The following STARD9 variants were observed in gnomAD, a reference collection of about 807,000 sequenced individuals.
The protein encoded by STARD9 is stAR-related lipid transfer protein 9.
A neutral mutation model predicts 399.8 loss-of-function variants in STARD9; 346 were observed. The ratio of observed to expected loss-of-function variants is 0.87; its 90% confidence interval spans 0.79 to 0.95. The LOEUF (loss-of-function observed/expected upper bound fraction) is 0.95. Ranked by LOEUF, STARD9 falls within the 40% of genes least tolerant of loss-of-function variation. The pLI is 0.00. For synonymous variants in STARD9, 2,203 were observed against 2,143.5 expected, an observed-to-expected ratio of 1.03 and a Z score of -0.77; for missense variants, 5,832 against 5,667.5, an observed-to-expected ratio of 1.03 and a Z score of -0.93.
intron 3 of STARD9, among the ~76,000 whole-genome samples, chr15:42,605,077 A>T (rs2058701453): frequency 6.6e-6 from 1 of 152,148 alleles, no homozygotes; most frequent in Non-Finnish European, 1.5e-5. Context: ...AAGATCAAAG[A>T]CTTCTCAAAG....
In STARD9 at chr15:42,695,765, T is replaced by A; in HGVS notation, c.13169T>A (p.Leu4390Ter). The A allele has an allele frequency of 1.3e-6, 2 of 1,537,236 alleles. No individual in the cohort carries two copies. The highest frequency in any genetic ancestry group is 1.7e-6 in the Non-Finnish European group (2 of 1,146,884). Reference protein sequence around the residue: ...LLKEEDKLHTLANSSSLCTSS... With the variant: ...LLKEEDKLHT ...CAGGAAGAGGATAAACTACATACCT[T>A]GGCCAATTCCAGCTCCCTGTGCACC... is the stretch of plus-strand genomic sequence containing the variant. The change falls in exon 26 of 33, where the codon TTG (leucine) becomes TAG (stop). Residue 4390 changes from leucine (L) to a stop codon, truncating the protein, a stop_gained. Coordinates refer to ENST00000290607, the MANE Select transcript of STARD9 (RefSeq NM_020759.3). LOFTEE classifies it high-confidence loss of function.
In STARD9 at chr15:42,638,106, C is replaced by T. The variant is rs910407494; in HGVS notation, c.446+19C>T. On this transcript the variant is annotated intron_variant, in intron 6 of 32. Transcript: ENST00000290607. ...AAGTAAGGTAAGAACCTCCCAAGCTCTGGGACCTACAGTAGTTCTTCTTCT... is the reference window on the plus strand; with the variant it reads ...AAGTAAGGTAAGAACCTCCCAAGCTTTGGGACCTACAGTAGTTCTTCTTCT... 2 of 1,533,066 alleles carry T rather than the reference C, an allele frequency of 1.3e-6. No homozygotes were observed. Among genetic ancestry groups the T allele is most frequent in the African/African-American group, 2.7e-5 (2 of 72,942 alleles). 95.0% of individuals were successfully genotyped at this position (1,533,066 alleles called of 1,614,324 possible). A position where few individuals can be genotyped will look rare whatever the true frequency, so the allele number is the denominator to read the frequency against.
intron 3 of STARD9, among the ~76,000 whole-genome samples, chr15:42,632,049 C>T (rs1399673960): frequency 1.3e-5 from 2 of 152,134 alleles, no homozygotes; most frequent in Non-Finnish European, 2.9e-5. Context: ...GTTGAAGTCT[C>T]CAGCTATTAC....
In STARD9 at chr15:42,663,454, A is replaced by G. The variant is rs369934831; in HGVS notation, c.1042A>G (p.Ser348Gly). 5.0e-4 allele frequency: 769 copies of G among 1,537,192 alleles called. 2 individuals carry two copies. Among genetic ancestry groups the G allele is most frequent in the Non-Finnish European group, 6.2e-4 (709 of 1,146,924 alleles). Residue 348 changes from serine to glycine, a missense_variant, in exon 12 of 33, where the codon AGC (serine) becomes GGC (glycine). Transcript: ENST00000290607. ...DSVLTWLLKD[S>G]LGGNSKTIMV... The stretch of plus-strand genomic sequence containing the variant: ...TGTGTTGACCTGGCTGCTGAAGGAC[A>G]GCCTTGGAGGCAACTCTAAAACCAT...
chr15:42,637,803 G>T (rs2059446863), intron 4 of STARD9, 104 bp from the exon 5 acceptor site: 1 of 1,190,248 alleles, frequency 8.4e-7, no homozygotes, highest in Non-Finnish European at 1.2e-6. Flanking sequence ...AGCACAAGGA[G>T]TCCATGCACT....
intron 3 of STARD9, among the ~76,000 whole-genome samples, chr15:42,631,814 G>C (rs553920574): frequency 1.2e-3 from 180 of 151,946 alleles, no homozygotes; most frequent in African/African-American, 4.3e-3. Flanking sequence ...CACCTTTCAG[G>C]AAGATTTTTT....
At chr15:42,581,273 A>G (rs1283150924) in intron 1 of STARD9, 4 of 936,028 alleles carry the variant, frequency 4.3e-6, no homozygotes, top group Middle Eastern at 2.1e-4. Context: ...GGCAGATGGC[A>G]GGTGGGGTCT....
rs182985962 is a variant in STARD9 at position 42,702,497 on chromosome 15, C to T, written c.13284+6617C>T. Among the ~76,000 whole-genome samples the T allele has an allele frequency of 1.7e-4, 26 of 152,188 alleles. 1 individual carries two copies. In the East Asian group the frequency reaches 2.9e-3, roughly 17 times the overall value. On this transcript the variant is annotated intron_variant, in intron 26 of 32. Transcript: ENST00000290607. ...GATTACAGGCATGAGCCACCGCGCC[C>T]GGCCTGTTGTTATTATTTTTAATAG...
At position 42,596,046 on chromosome 15, in the gene STARD9, A is replaced by G. The variant is rs143933986; in HGVS notation, c.234+10409A>G. On this transcript the variant is annotated intron_variant, in intron 3 of 32. Coordinates refer to ENST00000290607, the MANE Select transcript of STARD9 (RefSeq NM_020759.3). Reference sequence around the variant, plus strand: ...GCTGCTCGTGGCACATGACTATGCAAAAATGAACAGTGGAAACTAGAGAAA... The same window carrying G: ...GCTGCTCGTGGCACATGACTATGCAGAAATGAACAGTGGAAACTAGAGAAA... 4.8e-3 allele frequency among the ~76,000 whole-genome samples: 736 copies of G among 152,348 alleles called. 4 individuals carry two copies. The highest frequency in any genetic ancestry group is 0.034 in the Middle Eastern group (10 of 294).
chr15:42,588,917 C>T (rs902421140), intron 3 of STARD9, among the ~76,000 whole-genome samples: 20 of 150,594 alleles, frequency 1.3e-4, no homozygotes, highest in Admixed American at 2.7e-4. Context: ...TGGGTTCCAG[C>T]GATTCTTGTG....
chr15:42,578,830 T>C (rs1221225812), intron 1 of STARD9, among the ~76,000 whole-genome samples: 1 of 152,242 alleles, frequency 6.6e-6, no homozygotes, highest in African/African-American at 2.4e-5. Context: ...CTCTGAACTA[T>C]TCACATTTTT....
At chr15:42,700,298 G>C (rs1316073950) in intron 26 of STARD9, among the ~76,000 whole-genome samples, 1 of 152,222 alleles carries the variant, frequency 6.6e-6, no homozygotes, top group East Asian at 1.9e-4. Flanking sequence ...TATATACCTA[G>C]TGGTGGAATT....
intron 15 of STARD9, 35 bp from the exon 16 acceptor site, chr15:42,669,123 C>T: frequency 6.7e-7 from 1 of 1,494,142 alleles, no homozygotes; most frequent in Non-Finnish European, 9.0e-7. Context: ...GTTCCCCATG[C>T]TGAGTGTCTC....
intron 20 of STARD9, among the ~76,000 whole-genome samples, chr15:42,680,017 G>A (rs1341469114): frequency 6.6e-6 from 1 of 152,120 alleles, no homozygotes; most frequent in Non-Finnish European, 1.5e-5. Context: ...TGTGGGGAAG[G>A]CTAGATAAAG....
chr15:42,666,406 G>C (rs940897303), intron 15 of STARD9, among the ~76,000 whole-genome samples: 1 of 152,162 alleles, frequency 6.6e-6, no homozygotes, highest in Non-Finnish European at 1.5e-5. Flanking sequence ...TTGTTACATA[G>C]GGAGAAGGGG....
intron 7 of STARD9, among the ~76,000 whole-genome samples, chr15:42,641,323 C>A (rs2141949054): frequency 6.6e-6 from 1 of 152,266 alleles, no homozygotes; most frequent in Middle Eastern, 3.4e-3. Context: ...CCATTCTGGA[C>A]TTTCTTAAAC....
In STARD9 at chr15:42,690,882, T is replaced by G. The variant is rs1360077635; in HGVS notation, c.9304T>G (p.Ser3102Ala). 7 of 1,537,068 alleles carry G rather than the reference T, an allele frequency of 4.6e-6. No individual in the cohort carries two copies. Residue 3102 changes from serine to alanine, a missense_variant, in exon 23 of 33, where the codon TCT (serine) becomes GCT (alanine). Ser to Ala is a moderately conservative substitution (Grantham distance 99, BLOSUM62 1). Coordinates refer to ENST00000290607, the MANE Select transcript of STARD9 (RefSeq NM_020759.3). ...KQASTELEAASFPAGMYSEPL... is the reference protein window; with the variant it reads ...KQASTELEAAAFPAGMYSEPL... ...AGCAAGCACAGAACTTGAGGCTGCC[T>G]CTTTCCCTGCAGGCATGTACTCTGA...
At chr15:42,606,057 T>A (rs1360207229) in intron 3 of STARD9, among the ~76,000 whole-genome samples, 1 of 152,182 alleles carries the variant, frequency 6.6e-6, no homozygotes, top group Non-Finnish European at 1.5e-5. Context: ...TTTTGGAAAA[T>A]GTTCAAACCA....
chr15:42,694,495 G>C, intron 23 of STARD9, 33 bp from the exon 24 acceptor site: 1 of 1,535,422 alleles, frequency 6.5e-7, no homozygotes, highest in Non-Finnish European at 8.7e-7. Context: ...AGGACATTCA[G>C]GGCCAGCTTC....
Sources: gnomAD v4.1 joint callset for allele counts (sites outside exome capture counted in the v4.1 genomes callset) on GRCh38, gnomAD v4.1.1 for gene constraint, MANE v1.5 for transcripts, NCBI Gene and HGNC (gene_info 2026-07-23, HGNC 2026-07-21) for gene names.